The following KCNH8 variants were observed in gnomAD, a reference collection of about 807,000 sequenced individuals.
KCNH8 encodes the protein potassium voltage-gated channel subfamily H member 8, also known as voltage-gated delayed rectifier potassium channel KCNH8.
In KCNH8, 70 loss-of-function variants were observed where a neutral mutation model predicts 103.6. That is an observed-to-expected ratio of 0.68 (90% CI 0.56 to 0.82). The LOEUF (loss-of-function observed/expected upper bound fraction) is 0.82. KCNH8 is among the 40% of genes least tolerant of loss of function. The probability of loss-of-function intolerance (pLI) is 0.00; values close to 1 mark genes in which losing one functional copy is unlikely to be tolerated. For missense variants in KCNH8, 1,217 were observed against 1,329.9 expected, an observed-to-expected ratio of 0.92 and a Z score of 1.32; for synonymous variants, 498 against 489.4, an observed-to-expected ratio of 1.02 and a Z score of -0.23.
At chr3:19,260,651 C>G (rs2064422084) in intron 2 of KCNH8, among the ~76,000 whole-genome samples, 1 of 148,770 alleles carries the variant, frequency 6.7e-6, no homozygotes, top group Middle Eastern at 3.5e-3. Context: ...ATCCCAAGTA[C>G]AACACACTAT....
intron 11 of KCNH8, among the ~76,000 whole-genome samples, chr3:19,465,294 A>T (rs879861447): frequency 2.9e-4 from 44 of 152,184 alleles, no homozygotes; most frequent in Non-Finnish European, 6.0e-4. Flanking sequence ...GAAGTATGCT[A>T]AATCTTTTCT....
At chr3:19,277,890 AAAG>A (rs1033404300) in intron 2 of KCNH8, among the ~76,000 whole-genome samples, 2 of 152,052 alleles carry the variant, frequency 1.3e-5, no homozygotes, top group African/African-American at 4.8e-5. Flanking sequence ...GCTGCTATAT[AAAG>A]AAGGAGTTAA....
intron 3 of KCNH8, among the ~76,000 whole-genome samples, chr3:19,319,534 T>G (rs1274357152): frequency 6.6e-6 from 1 of 152,108 alleles, no homozygotes. Context: ...ATGCCTATTT[T>G]TATATGAGTA....
intron 7 of KCNH8, among the ~76,000 whole-genome samples, chr3:19,413,839 A>G (rs911036977): frequency 6.6e-6 from 1 of 152,092 alleles, no homozygotes; most frequent in African/African-American, 2.4e-5. Flanking sequence ...CTCTTGTTGC[A>G]GCCTTTCACA....
At chr3:19,213,999 C>T (rs1052214971) in intron 1 of KCNH8, among the ~76,000 whole-genome samples, 2 of 152,206 alleles carry the variant, frequency 1.3e-5, no homozygotes, top group Non-Finnish European at 2.9e-5. Context: ...GCTCCTATTG[C>T]TGACAGCACC....
chr3:19,525,095 G>A (rs2069040420), intron 15 of KCNH8, among the ~76,000 whole-genome samples: 1 of 151,718 alleles, frequency 6.6e-6, no homozygotes, highest in South Asian at 2.1e-4. Flanking sequence ...AGAAAAAGTG[G>A]TAAGGATGTG....
intron 7 of KCNH8, among the ~76,000 whole-genome samples, chr3:19,424,659 A>T (rs1036901389): frequency 6.6e-5 from 10 of 152,140 alleles, no homozygotes; most frequent in African/African-American, 2.4e-4. Context: ...GAGTAAACCG[A>T]TGACCCACAG....
rs1462009995 is a variant in KCNH8, at chr3:19,168,566, G to A, written c.76+19771G>A. ...ATGGAATGGGCTCTCAGGACTTGCA[G>A]GTCTCAAGGGCTAAGATGATTTGTC... On this transcript the variant is annotated intron_variant, in intron 1 of 15. Transcript: ENST00000328405. Among the ~76,000 whole-genome samples the A allele has an allele frequency of 3.9e-5, 6 of 152,186 alleles. No homozygotes were observed. The East Asian group carries it at 1.2e-3, about 29-fold the overall frequency.
At chr3:19,292,620 G>A (rs922218839) in intron 3 of KCNH8, among the ~76,000 whole-genome samples, 5 of 152,156 alleles carry the variant, frequency 3.3e-5, no homozygotes, top group South Asian at 2.1e-4. Context: ...ATGGGACTGC[G>A]CAGCCCGTGG....
intron 1 of KCNH8, among the ~76,000 whole-genome samples, chr3:19,214,554 T>TC (rs35779647): frequency 6.6e-6 from 1 of 152,204 alleles, no homozygotes; most frequent in African/African-American, 2.4e-5. Flanking sequence ...CCTCCTAACT[T>TC]CCCCTGTGGA....
intron 5 of KCNH8, among the ~76,000 whole-genome samples, chr3:19,362,142 G>A (rs1405266583): frequency 1.3e-5 from 2 of 152,198 alleles, no homozygotes; most frequent in African/African-American, 4.8e-5. Context: ...AGATTCTGTG[G>A]CTGAGAATTA....
At chr3:19,409,606 C>A (rs1311457264) in intron 7 of KCNH8, among the ~76,000 whole-genome samples, 5 of 151,902 alleles carry the variant, frequency 3.3e-5, no homozygotes, top group Non-Finnish European at 7.4e-5. Context: ...CATTCATCTG[C>A]TCTCTTTTAG....
intron 15 of KCNH8, among the ~76,000 whole-genome samples, chr3:19,527,832 G>T (rs2069091828): frequency 6.6e-6 from 1 of 152,124 alleles, no homozygotes; most frequent in South Asian, 2.1e-4. Flanking sequence ...GATTTGTGTG[G>T]TTAATGCATG....
intron 5 of KCNH8, among the ~76,000 whole-genome samples, chr3:19,354,979 C>T (rs994931188): frequency 2.6e-5 from 4 of 151,978 alleles, no homozygotes; most frequent in Non-Finnish European, 5.9e-5. Flanking sequence ...TACAATCTGC[C>T]CATCTGACAA....
chr3:19,437,371 G>C (rs1256578185), intron 7 of KCNH8, among the ~76,000 whole-genome samples: 1 of 152,050 alleles, frequency 6.6e-6, no homozygotes, highest in Non-Finnish European at 1.5e-5. Flanking sequence ...ATCTTCTCAT[G>C]TTTATTAATA....
intron 1 of KCNH8, among the ~76,000 whole-genome samples, chr3:19,238,916 C>T (rs1403615500): frequency 6.6e-6 from 1 of 152,124 alleles, no homozygotes; most frequent in Non-Finnish European, 1.5e-5. Flanking sequence ...TTAATTTTTA[C>T]TCACACTAAA....
intron 3 of KCNH8, among the ~76,000 whole-genome samples, chr3:19,341,969 G>A (rs1259674061): frequency 6.6e-6 from 1 of 152,026 alleles, no homozygotes; most frequent in African/African-American, 2.4e-5. Flanking sequence ...TTCTTTGCAG[G>A]ATTGGCCACA....
At chr3:19,423,447 C>G (rs1053099774) in intron 7 of KCNH8, among the ~76,000 whole-genome samples, 2 of 151,952 alleles carry the variant, frequency 1.3e-5, no homozygotes, top group African/African-American at 4.8e-5. Context: ...TCCACCCTTC[C>G]CCCTGAGTCC....
intron 7 of KCNH8, among the ~76,000 whole-genome samples, chr3:19,406,974 G>T (rs902421339): frequency 1.3e-5 from 2 of 152,016 alleles, no homozygotes; most frequent in Non-Finnish European, 2.9e-5. Context: ...TCTTTTAGTA[G>T]AATTATTCTA....
Sources: allele counts gnomAD v4.1 joint callset (sites outside exome capture counted in the v4.1 genomes callset), GRCh38; gene constraint gnomAD v4.1.1; transcripts MANE v1.5; gene names NCBI Gene and HGNC (gene_info 2026-07-23, HGNC 2026-07-21).